Variants in PDE7A observed in about 807,000 individuals in gnomAD.
PDE7A encodes phosphodiesterase 7A.
A neutral mutation model predicts 64.3 loss-of-function variants in PDE7A; 39 were observed. The ratio of observed to expected loss-of-function variants is 0.61; its 90% CI spans 0.47 to 0.79. The LOEUF (loss-of-function observed/expected upper bound fraction) is 0.79. PDE7A is among the 30% of genes least tolerant of loss of function. The probability of loss-of-function intolerance (pLI) is 0.00; values close to 1 mark genes in which losing one functional copy is unlikely to be tolerated. For synonymous variants in PDE7A, 203 were observed against 206.8 expected, an observed-to-expected ratio of 0.98 and a Z score of 0.16; for missense variants, 470 against 582.8, an observed-to-expected ratio of 0.81 and a Z score of 1.99.
intron 1 of PDE7A, among the ~76,000 whole-genome samples, chr8:65,824,110 C>T (rs1001716147): frequency 1.3e-5 from 2 of 152,204 alleles, no homozygotes; most frequent in African/African-American, 4.8e-5. Context: ...CTGCACCTAG[C>T]AAGTCTACTG....
intron 3 of PDE7A, among the ~76,000 whole-genome samples, chr8:65,769,280 C>T (rs1180540233): frequency 6.8e-6 from 1 of 147,046 alleles, no homozygotes; most frequent in African/African-American, 2.5e-5. Flanking sequence ...GTAACAGATG[C>T]ATGCACATAT....
intron 3 of PDE7A, among the ~76,000 whole-genome samples, chr8:65,774,272 A>T (rs1190249608): frequency 6.6e-6 from 1 of 152,136 alleles, no homozygotes; most frequent in African/African-American, 2.4e-5. Context: ...CCTCATGCTA[A>T]TAAATATTTT....
At chr8:65,785,887 A>C (rs1214292408) in intron 1 of PDE7A, among the ~76,000 whole-genome samples, 2 of 152,132 alleles carry the variant, frequency 1.3e-5, no homozygotes, top group African/African-American at 4.8e-5. Context: ...CTATTTAGAA[A>C]GGTAAAATAT....
chr8:65,780,681 T>A (rs1809389371), intron 2 of PDE7A, among the ~76,000 whole-genome samples: 1 of 152,236 alleles, frequency 6.6e-6, no homozygotes, highest in South Asian at 2.1e-4. Context: ...GCCACAAAGC[T>A]AGTACAAAGG....
At chr8:65,834,544 AC>A (rs1047990385) in intron 1 of PDE7A, among the ~76,000 whole-genome samples, 4 of 152,198 alleles carry the variant, frequency 2.6e-5, no homozygotes, top group Non-Finnish European at 4.4e-5. Context: ...TTTATTAAGA[AC>A]CACTTGCCAA....
intron 1 of PDE7A, among the ~76,000 whole-genome samples, chr8:65,815,645 C>T (rs997979357): frequency 6.3e-5 from 3 of 47,524 alleles, no homozygotes; most frequent in African/African-American, 4.3e-4. Flanking sequence ...AAGTGTGCTA[C>T]ATACAGGGAG....
At chr8:65,810,264 G>A (rs149794102) in intron 1 of PDE7A, among the ~76,000 whole-genome samples, 8,674 of 151,022 alleles carry the variant, frequency 0.057, 353 homozygotes, top group Middle Eastern at 0.11. Flanking sequence ...ACCAAACACC[G>A]CATGTTCTCA....
intron 1 of PDE7A, among the ~76,000 whole-genome samples, chr8:65,783,282 G>A (rs1012833678): frequency 1.3e-5 from 2 of 152,140 alleles, no homozygotes; most frequent in Non-Finnish European, 2.9e-5. Context: ...AAGCACTTCA[G>A]CTCCTGCTCA....
intron 1 of PDE7A, among the ~76,000 whole-genome samples, chr8:65,811,611 G>A (rs1810261656): frequency 6.6e-6 from 1 of 152,218 alleles, no homozygotes; most frequent in Admixed American, 6.5e-5. Flanking sequence ...GACTGTTTAT[G>A]CCAGGCACTG....
In PDE7A at chr8:65,717,178, G is replaced by A. The variant is rs541786093; in HGVS notation, c.*2112C>T. ...CCGAAAATTATGTGGCTTGGATTCT[G>A]TTTCTATTGGACATCAACACTCTTC... On this transcript the variant is annotated 3_prime_UTR_variant, in exon 13 of 13. Coordinates refer to ENST00000401827, the MANE Select transcript of PDE7A (RefSeq NM_001242318.3). Among the ~76,000 whole-genome samples the A allele has an allele frequency of 6.6e-6, 1 of 152,248 alleles. No individual in the cohort carries two copies. The highest frequency in any genetic ancestry group is 6.5e-5 in the Admixed American group (1 of 15,290).
chr8:65,733,200 T>C (rs1035534400), intron 7 of PDE7A, among the ~76,000 whole-genome samples: 9 of 152,206 alleles, frequency 5.9e-5, no homozygotes, highest in African/African-American at 1.9e-4. Context: ...ATCATGTTTT[T>C]ATTAATTTTT....
At chr8:65,806,510 A>C (rs1810118800) in intron 1 of PDE7A, among the ~76,000 whole-genome samples, 1 of 152,256 alleles carries the variant, frequency 6.6e-6, no homozygotes, top group Non-Finnish European at 1.5e-5. Context: ...TATGGTATGC[A>C]AATTCTTTCT....
At position 65,767,878 on chromosome 8, in the gene PDE7A, A is replaced by C. The variant is rs184288400; in HGVS notation, c.283+11842T>G. Among the ~76,000 whole-genome samples, 937 of 152,284 alleles carry C rather than the reference A, an allele frequency of 6.2e-3. 3 individuals are homozygous for C. Among genetic ancestry groups the C allele is most frequent in the Non-Finnish European group, 0.011 (722 of 68,004 alleles). On this transcript the variant is annotated intron_variant, in intron 3 of 12. Coordinates refer to ENST00000401827, the MANE Select transcript of PDE7A (RefSeq NM_001242318.3). ...GTGAGCTGCTCCAGCAAATTAATCC[A>C]ACCCAAAAAGAGGGTCCTGGGAACC...
chr8:65,779,219 G>T (rs1466393216), intron 3 of PDE7A, among the ~76,000 whole-genome samples: 1 of 152,096 alleles, frequency 6.6e-6, no homozygotes, highest in African/African-American at 2.4e-5. Flanking sequence ...AATATTTAAG[G>T]TGTTTAGAAG....
intron 3 of PDE7A, among the ~76,000 whole-genome samples, chr8:65,760,145 C>G (rs1479387285): frequency 6.6e-6 from 1 of 152,116 alleles, no homozygotes; most frequent in Non-Finnish European, 1.5e-5. Flanking sequence ...GAGGCTGAAA[C>G]AGGAGAATCA....
chr8:65,770,597 A>T (rs999225889), intron 3 of PDE7A, among the ~76,000 whole-genome samples: 6 of 152,204 alleles, frequency 3.9e-5, no homozygotes, highest in Non-Finnish European at 8.8e-5. Context: ...ATCAACCTCT[A>T]AACACTTCAG....
At chr8:65,803,205 G>A (rs1342834993) in intron 1 of PDE7A, among the ~76,000 whole-genome samples, 4 of 152,114 alleles carry the variant, frequency 2.6e-5, no homozygotes, top group Admixed American at 2.0e-4. Flanking sequence ...CAGGCATATC[G>A]ATGACTTGAT....
At position 65,786,694 on chromosome 8, in the gene PDE7A, T is replaced by C. The variant is rs554075375; in HGVS notation, c.139-3851A>G. ...TTCATCAAAATCCTGTGTCACACTGTCAGTCATAAAACTCTCAGAGCTATC... is the reference window on the plus strand; with the variant it reads ...TTCATCAAAATCCTGTGTCACACTGCCAGTCATAAAACTCTCAGAGCTATC... On this transcript the variant is annotated intron_variant, in intron 1 of 12. Transcript: ENST00000401827. Among the ~76,000 whole-genome samples the C allele has an allele frequency of 3.3e-5, 5 of 152,342 alleles. No individual in the cohort carries two copies. The South Asian group carries it at 8.3e-4, about 25-fold the overall frequency.
intron 6 of PDE7A, 68 bp from the exon 7 acceptor site, chr8:65,734,962 T>A: frequency 1.0e-6 from 1 of 969,858 alleles, no homozygotes; most frequent in East Asian, 2.4e-5. Context: ...AAAATTGTGA[T>A]AATTATGAGT....
Sources: gnomAD v4.1 joint callset for allele counts (sites outside exome capture counted in the v4.1 genomes callset) on GRCh38, gnomAD v4.1.1 for gene constraint, MANE v1.5 for transcripts, NCBI Gene and HGNC (gene_info 2026-07-23, HGNC 2026-07-21) for gene names.